OR51B5: variants seen among roughly 807,000 people sequenced by gnomAD.
OR51B5 encodes olfactory receptor family 51 subfamily B member 5.
For missense variants in OR51B5, 456 were observed against 374.6 expected (o/e 1.22, Z -1.79); for synonymous variants, 186 against 144.8 (o/e 1.28, Z -2.04).
chr11:5,349,638 T>C (rs1187243136), intron 1 of OR51B5, among the ~76,000 whole-genome samples: 1 of 152,224 alleles, frequency 6.6e-6, no homozygotes, highest in African/African-American at 2.4e-5. Flanking sequence ...ATACCTATAA[T>C]AAAACAATAA....
At chr11:5,463,377 G>T (rs1851088651) in intron 1 of OR51B5, among the ~76,000 whole-genome samples, 1 of 152,134 alleles carries the variant, frequency 6.6e-6, no homozygotes, top group African/African-American at 2.4e-5. Context: ...TTTATTAAAG[G>T]TATGGATGAC....
Position 5,413,427 on chromosome 11 carries a change from C to T in OR51B5, n.85-66517G>A, listed in dbSNP as rs1386399521. On this transcript the variant is annotated intron_variant and non_coding_transcript_variant, in intron 1 of 4. Coordinates refer to the OR51B5 transcript ENST00000415970. ...GTTCTTCACCAGCAATGCAACAAAG[C>T]TGGACAGAGAATGACTTTGATGACT... 4.6e-5 allele frequency among the ~76,000 whole-genome samples: 7 copies of T among 152,162 alleles called. No homozygotes were observed. The East Asian group carries it at 1.3e-3, about 29-fold the overall frequency.
intron 1 of OR51B5, chr11:5,422,551 C>G (rs1462888753): frequency 1.2e-6 from 2 of 1,614,172 alleles, no homozygotes; most frequent in South Asian, 2.2e-5. Context: ...CTTCTGTCCT[C>G]CTGGCTATGT....
At chr11:5,411,249 T>G (rs976704853) in intron 1 of OR51B5, among the ~76,000 whole-genome samples, 2 of 152,182 alleles carry the variant, frequency 1.3e-5, no homozygotes, top group South Asian at 4.1e-4. Context: ...TTTTCTATGT[T>G]TAGATATGTT....
At chr11:5,417,639 A>T (rs1215758261) in intron 1 of OR51B5, among the ~76,000 whole-genome samples, 1 of 151,826 alleles carries the variant, frequency 6.6e-6, no homozygotes, top group East Asian at 1.9e-4. Context: ...TTCTCAAAAG[A>T]AGACATTTAT....
chr11:5,451,963 T>C (rs1590002879), intron 1 of OR51B5, among the ~76,000 whole-genome samples: 1 of 152,208 alleles, frequency 6.6e-6, no homozygotes, highest in South Asian at 2.1e-4. Context: ...GAGAAATGGC[T>C]GTAAGAAATA....
chr11:5,457,042 C>T (rs1850971115), intron 1 of OR51B5, among the ~76,000 whole-genome samples: 1 of 152,162 alleles, frequency 6.6e-6, no homozygotes. Flanking sequence ...TCCCGTAAGC[C>T]TGCAGAACCA....
intron 1 of OR51B5, among the ~76,000 whole-genome samples, chr11:5,432,364 A>G (rs959255018): frequency 3.9e-5 from 6 of 152,184 alleles, no homozygotes; most frequent in African/African-American, 1.4e-4. Context: ...GCCAAAATCC[A>G]TACTCAGCCA....
rs920430868 is a variant in OR51B5 at position 5,395,977 on chromosome 11, CTCTAA to C, written n.85-49072_85-49068del. ...CATTTAAAATTGCATATGAATGGCT[CTCTAA>C]TCTATGGAGTAGGTAGAATTGTCTC... On this transcript the variant is annotated intron_variant and non_coding_transcript_variant, in intron 1 of 4. Transcript: ENST00000415970. Among the ~76,000 whole-genome samples the C allele has an allele frequency of 4.6e-5, 7 of 152,222 alleles. No homozygotes were observed. The East Asian group carries it at 1.2e-3, about 25-fold the overall frequency.
chr11:5,489,895 A>G, intron 1 of OR51B5: 2 of 497,922 alleles, frequency 4.0e-6, no homozygotes, highest in African/African-American at 1.9e-5. Context: ...ATATTCTCAC[A>G]CTTGTCTTAA....
At chr11:5,389,954 C>G (rs1564797234) in intron 1 of OR51B5, 2 of 1,611,512 alleles carry the variant, frequency 1.2e-6, no homozygotes, top group African/African-American at 1.3e-5. Flanking sequence ...ATCTGTGGTC[C>G]TCTCCCACTC....
chr11:5,379,076 T>C (rs1267375279), intron 1 of OR51B5, among the ~76,000 whole-genome samples: 28 of 149,232 alleles, frequency 1.9e-4, no homozygotes, highest in African/African-American at 6.6e-4. Context: ...TGTCCAACAA[T>C]GATAGACTGG....
chr11:5,342,050 A>C (rs934846945), downstream of OR51B5, among the ~76,000 whole-genome samples: 10 of 152,222 alleles, frequency 6.6e-5, no homozygotes, highest in African/African-American at 2.4e-4. Context: ...TGAGATGATA[A>C]GTAATTAGGT....
intron 1 of OR51B5, among the ~76,000 whole-genome samples, chr11:5,373,503 G>A (rs1446425912): frequency 6.6e-6 from 1 of 152,104 alleles, no homozygotes; most frequent in Non-Finnish European, 1.5e-5. Context: ...AGCACACCAT[G>A]CACCAGCCGA....
chr11:5,376,351 G>C (rs1420232689), intron 1 of OR51B5, among the ~76,000 whole-genome samples: 1 of 152,098 alleles, frequency 6.6e-6, no homozygotes, highest in African/African-American at 2.4e-5. Context: ...ACGCCCACAA[G>C]AGAAAGCAAG....
chr11:5,496,906 G>A lies in OR51B5; in HGVS notation n.84+8663C>T, dbSNP rs540798441. The stretch of plus-strand genomic sequence containing the variant: ...GGTCCTCCTCCCGAGGATAGTCCTA[G>A]ACAGCACTTCATTAGAGTCAATGCT... On this transcript the variant is annotated intron_variant and non_coding_transcript_variant, in intron 1 of 4. Coordinates refer to the OR51B5 transcript ENST00000415970. Among the ~76,000 whole-genome samples the A allele has an allele frequency of 2.0e-4, 31 of 152,246 alleles. 1 individual carries two copies. The South Asian group carries it at 6.4e-3, about 32-fold the overall frequency.
chr11:5,428,279 AAG>A lies in OR51B5; in HGVS notation n.84+77288_84+77289del, dbSNP rs1035835271. Among the ~76,000 whole-genome samples the A allele has an allele frequency of 1.0e-3, 156 of 152,342 alleles. 1 individual carries two copies. The highest frequency in any genetic ancestry group is 3.6e-3 in the African/African-American group (151 of 41,590). ...ACAATAAAGTGAATATTGCAAAAAAAAGAGTCATACTTAAAATTTCCCAGTGC... is the reference window on the plus strand; with the variant it reads ...ACAATAAAGTGAATATTGCAAAAAAAAGTCATACTTAAAATTTCCCAGTGC... On this transcript the variant is annotated intron_variant and non_coding_transcript_variant, in intron 1 of 4. Transcript: ENST00000415970.
At chr11:5,399,807 CAA>C (rs139973670) in intron 1 of OR51B5, among the ~76,000 whole-genome samples, 2,073 of 150,362 alleles carry the variant, frequency 0.014, 44 homozygotes, top group African/African-American at 0.048. Flanking sequence ...AGGAAGAAAA[CAA>C]AAGAGACCAC....
chr11:5,408,680 G>T (rs1338717658), intron 1 of OR51B5, among the ~76,000 whole-genome samples: 1 of 152,000 alleles, frequency 6.6e-6, no homozygotes, highest in Non-Finnish European at 1.5e-5. Flanking sequence ...AGAAAAAAAA[G>T]ACCATTTTAT....
Sources: allele counts gnomAD v4.1 joint callset (sites outside exome capture counted in the v4.1 genomes callset), GRCh38; gene constraint gnomAD v4.1.1; transcripts MANE v1.5; gene names NCBI Gene and HGNC (gene_info 2026-07-23, HGNC 2026-07-21).